The following RANBP2 variants were observed in gnomAD, a reference collection of about 807,000 sequenced individuals.
RANBP2 encodes E3 SUMO-protein ligase RanBP2.
Under a neutral mutation model 303.6 loss-of-function variants are expected in RANBP2, and 57 were observed. The observed-to-expected ratio is 0.19, with a 90% CI of 0.15 to 0.23. The LOEUF (loss-of-function observed/expected upper bound fraction) is 0.23. Among genes scored for constraint, RANBP2 ranks in the 10% least tolerant of loss-of-function variants. The pLI, the probability that RANBP2 is intolerant of heterozygous loss-of-function variation, is 1.00. For missense variants in RANBP2, 3,138 were observed against 3,780.8 expected (o/e 0.83, Z 4.46); for synonymous variants, 1,167 against 1,301.5 (o/e 0.90, Z 2.23).
the RANBP2 span, among the ~76,000 whole-genome samples, chr2:109,557,563 G>A: frequency 1.3e-5 from 2 of 152,224 alleles, no homozygotes; most frequent in African/African-American, 4.8e-5. Context: ...TGGTGTCTCA[G>A]CAGGAGAAAG....
At chr2:109,391,445 T>A in the RANBP2 span, among the ~76,000 whole-genome samples, 1 of 152,164 alleles carries the variant, frequency 6.6e-6, no homozygotes, top group Non-Finnish European at 1.5e-5. Flanking sequence ...GGCTCGGGCC[T>A]TCACTCTGGC....
the RANBP2 span, among the ~76,000 whole-genome samples, chr2:108,955,794 A>G: frequency 6.6e-6 from 1 of 152,114 alleles, no homozygotes; most frequent in Non-Finnish European, 1.5e-5. Context: ...TGGGAGGCCG[A>G]GGCGGGCAGA....
chr2:109,361,255 A>G, the RANBP2 span, among the ~76,000 whole-genome samples: 2 of 152,116 alleles, frequency 1.3e-5, no homozygotes, highest in Non-Finnish European at 2.9e-5. Context: ...ATTTGCGTTT[A>G]TGTTCATGAG....
intron 1 of RANBP2, among the ~76,000 whole-genome samples, chr2:108,726,724 C>A (rs1694741552): frequency 6.6e-6 from 1 of 151,138 alleles, no homozygotes; most frequent in South Asian, 2.1e-4. Flanking sequence ...GAGGGAAGGT[C>A]AGCAGATAAA....
At chr2:109,692,945 A>C in the RANBP2 span, among the ~76,000 whole-genome samples, 10 of 149,914 alleles carry the variant, frequency 6.7e-5, no homozygotes, top group Non-Finnish European at 1.2e-4. Flanking sequence ...CAGCCTCCTG[A>C]GTAGCTGGGA....
the RANBP2 span, among the ~76,000 whole-genome samples, chr2:109,022,012 C>A: frequency 6.6e-6 from 1 of 152,178 alleles, no homozygotes; most frequent in Non-Finnish European, 1.5e-5. Context: ...TTGGCCTGCA[C>A]AGAGTTTACA....
chr2:109,616,046 A>C, the RANBP2 span: 1 of 1,513,426 alleles, frequency 6.6e-7, no homozygotes, highest in Non-Finnish European at 8.8e-7. Context: ...CATTGAGACC[A>C]AAGTCCAATG....
chr2:109,568,664 T>G, the RANBP2 span, among the ~76,000 whole-genome samples: 1 of 32,066 alleles, frequency 3.1e-5, no homozygotes, highest in African/African-American at 1.0e-4. Context: ...AAAGGTAAAC[T>G]GAATTGCCTC....
the RANBP2 span, among the ~76,000 whole-genome samples, chr2:109,589,674 C>T: frequency 6.6e-6 from 1 of 152,030 alleles, no homozygotes; most frequent in Non-Finnish European, 1.5e-5. Context: ...CAAAATGGTA[C>T]AGTTGCTTTG....
At chr2:109,706,501 T>C in the RANBP2 span, among the ~76,000 whole-genome samples, 2 of 152,184 alleles carry the variant, frequency 1.3e-5, no homozygotes, top group Non-Finnish European at 2.9e-5. Context: ...TTCCTACTGA[T>C]GCCTGCCCTG....
chr2:109,272,892 C>A, the RANBP2 span, among the ~76,000 whole-genome samples: 2 of 152,202 alleles, frequency 1.3e-5, no homozygotes, highest in Non-Finnish European at 2.9e-5. Context: ...TGACCCGGTT[C>A]CCTTGTCATG....
At chr2:108,895,560 T>A in the RANBP2 span, 1 of 152,212 alleles carries the variant, frequency 6.6e-6, no homozygotes, top group Non-Finnish European at 1.5e-5. Flanking sequence ...CTGTTTTTAT[T>A]CCCATTTAAA....
the RANBP2 span, among the ~76,000 whole-genome samples, chr2:108,889,363 A>C: frequency 6.6e-6 from 1 of 152,118 alleles, no homozygotes; most frequent in African/African-American, 2.4e-5. Context: ...TGTCGAGGTG[A>C]TCTATCTAAT....
the RANBP2 span, among the ~76,000 whole-genome samples, chr2:109,675,101 T>TG: frequency 6.6e-6 from 1 of 152,154 alleles, no homozygotes; most frequent in African/African-American, 2.4e-5. Flanking sequence ...CCCAGTAAGC[T>TG]CGACCACAGG....
chr2:108,839,343 C>G, the RANBP2 span: 1 of 1,462,634 alleles, frequency 6.8e-7, no homozygotes, highest in East Asian at 2.3e-5. Flanking sequence ...AATACTCCAC[C>G]TAATATTACT....
At chr2:109,553,083 T>G in the RANBP2 span, 5 of 1,611,552 alleles carry the variant, frequency 3.1e-6, no homozygotes, top group Non-Finnish European at 3.4e-6. Context: ...ACCAGCATAC[T>G]TGCCTCTCTC....
At chr2:108,761,399 G>A (rs2949966) in intron 18 of RANBP2, among the ~76,000 whole-genome samples, 6 of 152,204 alleles carry the variant, frequency 3.9e-5, no homozygotes, top group African/African-American at 7.2e-5. Flanking sequence ...GGCATAAAAG[G>A]TCTTTTGGTT....
At chr2:109,452,089 G>T in the RANBP2 span, among the ~76,000 whole-genome samples, 1 of 152,228 alleles carries the variant, frequency 6.6e-6, no homozygotes, top group African/African-American at 2.4e-5. Flanking sequence ...GCCCATCTGT[G>T]TTCCCACTTG....
the RANBP2 span, among the ~76,000 whole-genome samples, chr2:109,217,037 CT>C: frequency 6.6e-6 from 1 of 152,174 alleles, no homozygotes; most frequent in Non-Finnish European, 1.5e-5. Flanking sequence ...AGTATTTATC[CT>C]TTTGTGTTGG....
Sources: gnomAD v4.1 joint callset for allele counts (sites outside exome capture counted in the v4.1 genomes callset) on GRCh38, gnomAD v4.1.1 for gene constraint, MANE v1.5 for transcripts, NCBI Gene and HGNC (gene_info 2026-07-23, HGNC 2026-07-21) for gene names.